The following SLC8A2 variants were observed in gnomAD, a reference collection of about 807,000 sequenced individuals.
The protein encoded by SLC8A2 is sodium/calcium exchanger 2.
SLC8A2 carries 14 observed loss-of-function variants against 70.2 expected under a neutral mutation model. The ratio of observed to expected loss-of-function variants is 0.20; its 90% CI spans 0.13 to 0.31. The LOEUF (loss-of-function observed/expected upper bound fraction) is 0.31, where lower values mean the gene tolerates loss of function less well. Ranked by LOEUF, SLC8A2 falls within the 10% of genes least tolerant of loss-of-function variation. SLC8A2 has a pLI of 1.00. For missense variants in SLC8A2, 779 were observed against 1,320.1 expected, an observed-to-expected ratio of 0.59 and a Z score of 6.35; for synonymous variants, 575 against 594.3, an observed-to-expected ratio of 0.97 and a Z score of 0.47.
At chr19:47,452,770 T>A (rs1005698812) in intron 3 of SLC8A2, among the ~76,000 whole-genome samples, 1 of 152,186 alleles carries the variant, frequency 6.6e-6, no homozygotes, top group Non-Finnish European at 1.5e-5. Context: ...TGGTAGCTCA[T>A]GCCTGTAATC....
At chr19:47,469,902 C>T (rs1253073970) in intron 1 of SLC8A2, among the ~76,000 whole-genome samples, 3 of 152,230 alleles carry the variant, frequency 2.0e-5, no homozygotes, top group Admixed American at 6.5e-5. Flanking sequence ...CCCTGTTCTG[C>T]CTCACGTGCC....
chr19:47,467,859 A>AAAC (rs1967483789), intron 1 of SLC8A2, among the ~76,000 whole-genome samples: 1 of 150,332 alleles, frequency 6.7e-6, no homozygotes. Context: ...AAAAAAAAAA[A>AAAC]AGCCAGGTGT....
intron 8 of SLC8A2, among the ~76,000 whole-genome samples, chr19:47,436,539 G>C (rs1417016641): frequency 2.0e-5 from 3 of 152,166 alleles, no homozygotes; most frequent in Non-Finnish European, 4.4e-5. Flanking sequence ...CCTTAAGCCT[G>C]GTTTCTTTGG....
At chr19:47,463,371 G>C (rs187512067) in intron 2 of SLC8A2, among the ~76,000 whole-genome samples, 3,885 of 149,370 alleles carry the variant, frequency 0.026, 140 homozygotes, top group African/African-American at 0.09. Flanking sequence ...CTGACCTTGT[G>C]ATCCGCCCGC....
intron 3 of SLC8A2, among the ~76,000 whole-genome samples, chr19:47,454,689 T>TGAGGTGGAG (rs1967282251): frequency 6.6e-6 from 1 of 151,848 alleles, no homozygotes; most frequent in Non-Finnish European, 1.5e-5. Context: ...GGGAAAGACC[T>TGAGGTGGAG]GCAAATGTCC....
rs1031221318 is a variant in SLC8A2, at chr19:47,468,756, C to T, written c.-16-2337G>A. The stretch of plus-strand genomic sequence containing the variant: ...AGGCGCAGAGAGGTTACGGAACTTG[C>T]CCACATCATCCAGCACCAACTCTGG... On this transcript the variant is annotated intron_variant, in intron 1 of 9. Transcript: ENST00000236877. This position sits in a 1 kb window ranked among gnomAD's most constrained non-coding sequence, Gnocchi z 5.1. Among the ~76,000 whole-genome samples, 4 of 152,154 alleles carry T rather than the reference C, an allele frequency of 2.6e-5. No homozygotes were observed. The East Asian group carries it at 7.7e-4, about 29-fold the overall frequency.
intron 1 of SLC8A2, among the ~76,000 whole-genome samples, chr19:47,469,311 G>A (rs1877171472): frequency 6.6e-6 from 1 of 152,158 alleles, no homozygotes; most frequent in African/African-American, 2.4e-5. Flanking sequence ...AAAGGCTCAT[G>A]CTCCCTTCTC....
chr19:47,465,755 C>G lies in SLC8A2; in HGVS notation c.649G>C (p.Ala217Pro). Residue 217 changes from alanine (A) to proline (P), a missense_variant, in exon 2 of 10, where the codon GCT becomes CCT. Physicochemically the swap from Ala to Pro is conservative, Grantham distance 27 (BLOSUM62 -1). Around this residue, in one of 6 missense-constraint regions of SLC8A2, gnomAD observed 155 missense variants for 318.6 expected, o/e 0.49. Coordinates refer to ENST00000236877, the MANE Select transcript of SLC8A2 (RefSeq NM_015063.3). The surrounding 1 kb of genome is among the most constrained non-coding windows in gnomAD (Gnocchi z 5.5). The stretch of plus-strand genomic sequence containing the variant: ...TGGACCACACCGGGGGAAAAAACAG[C>G]AAGGATGAGATAAAGCCAGACATAG... ...FAYVWLYLILAVFSPGVVQVW... is the reference protein window; with the variant it reads ...FAYVWLYLILPVFSPGVVQVW... 6.2e-7 allele frequency: 1 copy of G among 1,612,366 alleles called. No homozygotes were observed. The highest frequency in any genetic ancestry group is 8.5e-7 in the Non-Finnish European group (1 of 1,178,804).
Position 47,444,218 on chromosome 19 carries a change from T to G in SLC8A2, c.1764-2778A>C, listed in dbSNP as rs540499657. Reference sequence around the variant, plus strand: ...CCGCCCTTCTTTATCTGGATTCTTCTCTCCCTGTCTCTGTCTTTCAGAGTC... The same window carrying G: ...CCGCCCTTCTTTATCTGGATTCTTCGCTCCCTGTCTCTGTCTTTCAGAGTC... On this transcript the variant is annotated intron_variant, in intron 4 of 9. Transcript: ENST00000236877. Among the ~76,000 whole-genome samples, 4 of 152,124 alleles carry G rather than the reference T, an allele frequency of 2.6e-5. No individual in the cohort carries two copies. In the South Asian group the frequency reaches 8.3e-4, roughly 32 times the overall value.
At chr19:47,450,535 G>A (rs1245247767) in intron 3 of SLC8A2, among the ~76,000 whole-genome samples, 1 of 152,024 alleles carries the variant, frequency 6.6e-6, no homozygotes, top group Non-Finnish European at 1.5e-5. Flanking sequence ...AAAGGTGGGG[G>A]CGGGGAGTCA....
At chr19:47,467,971 A>C (rs755680008) in intron 1 of SLC8A2, among the ~76,000 whole-genome samples, 1 of 151,314 alleles carries the variant, frequency 6.6e-6, no homozygotes, top group Non-Finnish European at 1.5e-5. Context: ...ATGTCATTGC[A>C]CTCCAGTCTG....
chr19:47,441,034 C>G (rs758952748), intron 6 of SLC8A2, 135 bp downstream of exon 6: 1 of 755,266 alleles, frequency 1.3e-6, no homozygotes, highest in Non-Finnish European at 2.3e-6. Flanking sequence ...GTCCCCCAGC[C>G]CTGAATCTGC....
intron 3 of SLC8A2, among the ~76,000 whole-genome samples, chr19:47,456,520 G>C (rs529178262): frequency 6.6e-6 from 1 of 152,262 alleles, no homozygotes; most frequent in South Asian, 2.1e-4. Flanking sequence ...ACAAAAATAA[G>C]CCGGGTGTGG....
chr19:47,447,825 CA>C lies in SLC8A2; in HGVS notation c.1746del (p.Phe582LeufsTer7). On this transcript the variant is annotated frameshift_variant, in exon 4 of 10. Coordinates refer to ENST00000236877, the MANE Select transcript of SLC8A2 (RefSeq NM_015063.3). LOFTEE classifies it high-confidence loss of function. This position sits in a 1 kb window ranked among gnomAD's most constrained non-coding sequence, Gnocchi z 5.1. ...HYEDACGELE[F>X]GDDETMKTLQ... ...CGTGCTCACATGGTCTCGTCGTCGC[CA>C]AACTCCAGCTCTCCGCACGCGTCCT... is the stretch of plus-strand genomic sequence containing the variant. 6.3e-7 allele frequency: 1 copy of C among 1,591,914 alleles called. No individual in the cohort carries two copies. Among genetic ancestry groups the C allele is most frequent in the South Asian group, 1.1e-5 (1 of 89,646 alleles).
intron 8 of SLC8A2, among the ~76,000 whole-genome samples, chr19:47,436,850 G>C (rs771560277): frequency 2.0e-5 from 3 of 152,132 alleles, no homozygotes; most frequent in Non-Finnish European, 4.4e-5. Flanking sequence ...GGAGGGTGGT[G>C]ACCCGCGCAG....
At chr19:47,436,404 G>A (rs1486628310) in intron 8 of SLC8A2, among the ~76,000 whole-genome samples, 1 of 152,208 alleles carries the variant, frequency 6.6e-6, no homozygotes, top group African/African-American at 2.4e-5. Flanking sequence ...CTCACATAGG[G>A]TCGGGCCCAG....
At chr19:47,439,292 C>T (rs978094459) in intron 6 of SLC8A2, among the ~76,000 whole-genome samples, 3 of 152,140 alleles carry the variant, frequency 2.0e-5, no homozygotes, top group Admixed American at 1.3e-4. Context: ...CTTTAGGAGG[C>T]CAAGGCAGGT....
intron 4 of SLC8A2, among the ~76,000 whole-genome samples, chr19:47,446,211 G>A (rs991953075): frequency 1.3e-5 from 2 of 151,762 alleles, no homozygotes; most frequent in African/African-American, 4.8e-5. Flanking sequence ...CGGCACGGAG[G>A]AGGGAGACAG....
rs1203668886 is a variant in SLC8A2 at position 47,457,448 on chromosome 19, G to A, written c.822C>T (p.Gly274=). ...PRSGIIIGAE[G]DPPKSIELDG... is the part of the protein sequence containing the mutation. The stretch of plus-strand genomic sequence containing the variant: ...CCAGCTCGATGCTCTTCGGGGGGTC[G>A]CCCTCGGCGCCTATGATGATGCCGC... Residue 274 remains glycine, a synonymous_variant, in exon 3 of 10, where the codon GGC becomes GGT. Coordinates refer to ENST00000236877, the MANE Select transcript of SLC8A2 (RefSeq NM_015063.3). 1 of 1,605,714 alleles carries A rather than the reference G, an allele frequency of 6.2e-7. No individual in the cohort carries two copies. The highest frequency in any genetic ancestry group is 1.7e-5 in the Admixed American group (1 of 58,808).
Sources: gnomAD v4.1 joint callset for allele counts (sites outside exome capture counted in the v4.1 genomes callset) on GRCh38, gnomAD v4.1.1 for gene constraint, gnomAD v4.1.1 regional missense constraint, Gnocchi (gnomAD v3.1) non-coding constraint, MANE v1.5 for transcripts, NCBI Gene and HGNC (gene_info 2026-07-23, HGNC 2026-07-21) for gene names.